The following SPECC1 variants were observed in gnomAD, a reference collection of about 807,000 sequenced individuals.
SPECC1 encodes the protein sperm antigen with calponin homology and coiled-coil domains 1.
SPECC1 carries 62 observed loss-of-function variants against 104.1 expected under a neutral mutation model. That is an observed-to-expected ratio of 0.60 (90% CI 0.49 to 0.74). The LOEUF (loss-of-function observed/expected upper bound fraction) is 0.74, where lower values mean the gene tolerates loss of function less well. Ranked by LOEUF, SPECC1 falls within the 30% of genes least tolerant of loss-of-function variation. SPECC1 has a pLI of 0.00. For missense variants in SPECC1, 1,306 were observed against 1,310.5 expected, an observed-to-expected ratio of 1.00 and a Z score of 0.05; for synonymous variants, 513 against 501.6, an observed-to-expected ratio of 1.02 and a Z score of -0.30.
At chr17:20,237,210 T>A in intron 7 of SPECC1, 1 of 1,269,742 alleles carries the variant, frequency 7.9e-7, no homozygotes, top group South Asian at 1.8e-5. Flanking sequence ...TATTTGCAGC[T>A]GGAGTGCTGA....
At chr17:20,238,344 T>C (rs2039033655) in intron 7 of SPECC1, 2 of 1,039,484 alleles carry the variant, frequency 1.9e-6, no homozygotes, top group Admixed American at 5.6e-5. Flanking sequence ...TTTAAACTTC[T>C]GGAAATATGT....
Position 20,316,670 on chromosome 17 carries a change from GTTTT to G in SPECC1, c.*2609_*2612del, listed in dbSNP as rs979858959. On this transcript the variant is annotated 3_prime_UTR_variant, in exon 15 of 15. Coordinates refer to ENST00000395527, the MANE Select transcript of SPECC1 (RefSeq NM_001243439.2). ...CAGGCATGAGCCACTGAGCCCGGCTGTTTTTTTGTGTTTTTTTTGTTGTTGTTTG... is the reference window on the plus strand; with the variant it reads ...CAGGCATGAGCCACTGAGCCCGGCTGTTTGTGTTTTTTTTGTTGTTGTTTG... 2 of 180,954 alleles carry G rather than the reference GTTTT, an allele frequency of 1.1e-5. No homozygotes were observed. Among genetic ancestry groups the G allele is most frequent in the African/African-American group, 5.0e-5 (2 of 40,024 alleles). 11.2% of individuals were successfully genotyped at this position (180,954 alleles called of 1,614,324 possible). A position where few individuals can be genotyped will look rare whatever the true frequency, so the allele number is the denominator to read the frequency against.
chr17:20,211,928 A>G (rs2037178404), intron 4 of SPECC1, among the ~76,000 whole-genome samples: 1 of 152,218 alleles, frequency 6.6e-6, no homozygotes, highest in African/African-American at 2.4e-5. Flanking sequence ...CTCAGGACTC[A>G]TCTGCGAACC....
At position 20,292,488 on chromosome 17, in the gene SPECC1, G is replaced by A. The variant is rs117302115; in HGVS notation, c.2941-4473G>A. On this transcript the variant is annotated intron_variant, in intron 12 of 14. Transcript: ENST00000395527. ...GGGGATTACAGGTACCAGCCACCAC[G>A]CCCAGCTAATTTTGTATTTTTAGTA... 1.5e-3 allele frequency among the ~76,000 whole-genome samples: 221 copies of A among 152,128 alleles called. 5 individuals are homozygous for A. In the East Asian group the frequency reaches 0.039, roughly 27 times the overall value.
At chr17:20,156,283 C>CT (rs200072578) in intron 3 of SPECC1, 45 of 1,326,880 alleles carry the variant, frequency 3.4e-5, no homozygotes, top group Middle Eastern at 2.7e-4. Flanking sequence ...ACCCCACCCC[C>CT]CCTCCAGGCG....
chr17:20,096,712 C>G lies in SPECC1; in HGVS notation c.61C>G (p.Arg21Gly), dbSNP rs376907350. 1 of 1,614,104 alleles carries G rather than the reference C, an allele frequency of 6.2e-7. No homozygotes were observed. Among genetic ancestry groups the G allele is most frequent in the Non-Finnish European group, 8.5e-7 (1 of 1,180,024 alleles). ...CAGAGCAGGGGGCCACGGCCCAGAC[C>G]GGGTGCGGCCTCTGCCTGCAGCCTC... Reference protein sequence around the residue: ...AIRAGGHGPDRVRPLPAASSG... With the variant: ...AIRAGGHGPDGVRPLPAASSG... Residue 21 changes from arginine to glycine, a missense_variant, in exon 2 of 15, where the codon CGG becomes GGG. Arg to Gly is a moderately radical substitution (Grantham distance 125). This residue lies in a region of SPECC1 where 1,177 missense variants were observed against 1,139.9 expected (regional missense o/e 1.03). Coordinates refer to ENST00000395527, the MANE Select transcript of SPECC1 (RefSeq NM_001243439.2).
chr17:20,181,565 A>G (rs1044138655), intron 3 of SPECC1, among the ~76,000 whole-genome samples: 1 of 152,166 alleles, frequency 6.6e-6, no homozygotes. Context: ...AACCTGAAGT[A>G]TTATTGCTAG....
chr17:20,067,869 G>A (rs369813203), intron 1 of SPECC1, among the ~76,000 whole-genome samples: 11 of 151,860 alleles, frequency 7.2e-5, no homozygotes, highest in Non-Finnish European at 1.0e-4. Flanking sequence ...CCCTTCCATC[G>A]CTCCTTCCCT....
intron 8 of SPECC1, among the ~76,000 whole-genome samples, chr17:20,246,386 C>A (rs1005538554): frequency 6.6e-6 from 1 of 152,200 alleles, no homozygotes; most frequent in Non-Finnish European, 1.5e-5. Flanking sequence ...TACTATTTGC[C>A]TTTTTGTCAT....
rs1804271340 is a variant in SPECC1 at position 20,129,273 on chromosome 17, C to T, written c.283+18711C>T. Among the ~76,000 whole-genome samples, 8 of 151,942 alleles carry T rather than the reference C, an allele frequency of 5.3e-5. No individual in the cohort carries two copies. The South Asian group carries it at 1.7e-3, about 32-fold the overall frequency. On this transcript the variant is annotated intron_variant, in intron 3 of 14. Transcript: ENST00000395527. ...CATCTCGGCTCACTGCAAGCTCCGC[C>T]TCCCGGGTTCAAGCCATTCTCCTGC... is the stretch of plus-strand genomic sequence containing the variant.
intron 1 of SPECC1, among the ~76,000 whole-genome samples, chr17:20,060,788 A>G (rs1055994189): frequency 1.2e-4 from 18 of 152,330 alleles, no homozygotes; most frequent in Admixed American, 3.9e-4. Context: ...TGCTCTGTCA[A>G]TCCTTCTGAA....
chr17:20,035,861 C>T (rs953143214), intron 1 of SPECC1, among the ~76,000 whole-genome samples: 1 of 151,650 alleles, frequency 6.6e-6, no homozygotes, highest in African/African-American at 2.4e-5. Flanking sequence ...GAGACGGAGT[C>T]TCGTTCTCTC....
At chr17:20,178,708 T>G (rs1175112876) in intron 3 of SPECC1, among the ~76,000 whole-genome samples, 2 of 152,194 alleles carry the variant, frequency 1.3e-5, no homozygotes, top group Non-Finnish European at 2.9e-5. Context: ...TGTAAGATGC[T>G]TAAGGGATCT....
chr17:20,125,616 G>A (rs1043388665), intron 3 of SPECC1, among the ~76,000 whole-genome samples: 2 of 152,196 alleles, frequency 1.3e-5, no homozygotes, highest in African/African-American at 4.8e-5. Context: ...ATCCAAGTGA[G>A]ATCATACAGT....
intron 4 of SPECC1, among the ~76,000 whole-genome samples, chr17:20,207,981 C>G (rs892896231): frequency 1.1e-4 from 16 of 151,730 alleles, no homozygotes; most frequent in Admixed American, 9.9e-4. Flanking sequence ...GTTCATTTAA[C>G]TTTTTTTTAT....
intron 12 of SPECC1, among the ~76,000 whole-genome samples, chr17:20,289,586 G>C (rs1304493997): frequency 2.0e-5 from 3 of 152,204 alleles, no homozygotes; most frequent in Non-Finnish European, 1.5e-5. Context: ...ATTAACAAGC[G>C]TGAGCTACTG....
chr17:20,074,959 G>T (rs1279118965), intron 1 of SPECC1, among the ~76,000 whole-genome samples: 3 of 152,060 alleles, frequency 2.0e-5, no homozygotes, highest in Non-Finnish European at 2.9e-5. Flanking sequence ...CTGGAGTGCA[G>T]TGTCTTGATC....
At chr17:20,165,670 A>G (rs1372437095) in intron 3 of SPECC1, among the ~76,000 whole-genome samples, 1 of 152,162 alleles carries the variant, frequency 6.6e-6, no homozygotes, top group East Asian at 1.9e-4. Flanking sequence ...TTGCATTCCC[A>G]CCAACAGTGT....
chr17:20,271,391 C>T (rs1318790902), intron 12 of SPECC1, among the ~76,000 whole-genome samples: 1 of 151,550 alleles, frequency 6.6e-6, no homozygotes, highest in Non-Finnish European at 1.5e-5. Flanking sequence ...CATGGTTGTA[C>T]ATATCTGGAG....
Sources: allele counts gnomAD v4.1 joint callset (sites outside exome capture counted in the v4.1 genomes callset), GRCh38; gene constraint gnomAD v4.1.1; regional missense constraint gnomAD v4.1.1; transcripts MANE v1.5; gene names NCBI Gene and HGNC (gene_info 2026-07-23, HGNC 2026-07-21).